The following TRHDE variants were observed in gnomAD, a reference collection of about 807,000 sequenced individuals.
TRHDE encodes the protein thyrotropin releasing hormone degrading enzyme.
Under a neutral mutation model 125.7 loss-of-function variants are expected in TRHDE, and 72 were observed. The ratio of observed to expected loss-of-function variants is 0.57; its 90% CI spans 0.47 to 0.70. TRHDE has a LOEUF of 0.70. Among genes scored for constraint, TRHDE ranks in the 30% least tolerant of loss-of-function variants. TRHDE has a pLI of 0.00. For missense variants in TRHDE, 1,110 were observed against 1,327.1 expected (o/e 0.84, Z 2.54); for synonymous variants, 509 against 509.1 (o/e 1.00, Z 0.00).
intron 2 of TRHDE, among the ~76,000 whole-genome samples, chr12:72,371,281 G>A (rs1296403596): frequency 6.7e-6 from 1 of 150,230 alleles, no homozygotes; most frequent in Non-Finnish European, 1.5e-5. Flanking sequence ...ACATACCTAT[G>A]AAACTCATTC....
intron 2 of TRHDE, among the ~76,000 whole-genome samples, chr12:72,211,844 T>G (rs1877789576): frequency 6.6e-6 from 1 of 152,188 alleles, no homozygotes. Flanking sequence ...TTTATAACAT[T>G]ATTTCATTTG....
chr12:72,263,427 T>G (rs1878997507), intron 2 of TRHDE: 1 of 151,690 alleles, frequency 6.6e-6, no homozygotes. Context: ...GTTTTGTTTG[T>G]TTTTTGGTTC....
chr12:72,577,552 T>C (rs1012316645), intron 12 of TRHDE, among the ~76,000 whole-genome samples: 1 of 152,116 alleles, frequency 6.6e-6, no homozygotes, highest in African/African-American at 2.4e-5. Context: ...TTCGAGGCAG[T>C]CGTTCATGTG....
chr12:72,106,076 T>C (rs1006262608), intron 2 of TRHDE, among the ~76,000 whole-genome samples: 5 of 152,022 alleles, frequency 3.3e-5, no homozygotes, highest in Non-Finnish European at 5.9e-5. Context: ...GAGTAACCAA[T>C]GGGGAACAGA....
Position 72,562,114 on chromosome 12 carries a change from C to A in TRHDE, c.1789-51C>A, listed in dbSNP as rs777249515. 6 of 777,338 alleles carry A rather than the reference C, an allele frequency of 7.7e-6. No homozygotes were observed. The Admixed American group carries it at 8.5e-5, about 11-fold the overall frequency. The allele number at this position is 777,338 out of a possible 1,614,324, so 48.2% of individuals were successfully genotyped here. On this transcript the variant is annotated intron_variant, in intron 7 of 18. Coordinates refer to ENST00000261180, the MANE Select transcript of TRHDE (RefSeq NM_013381.3). Reference sequence around the variant, plus strand: ...ATTAATTGAGAAATAAATGTGTTTACTAGTTACTGTTTAACCTTTGAATTA... The same window carrying A: ...ATTAATTGAGAAATAAATGTGTTTAATAGTTACTGTTTAACCTTTGAATTA...
chr12:72,400,502 T>C (rs1004270439), intron 3 of TRHDE, among the ~76,000 whole-genome samples: 2 of 152,200 alleles, frequency 1.3e-5, no homozygotes, highest in East Asian at 1.9e-4. Flanking sequence ...TTAGCAGTTA[T>C]GCACTGAGGG....
chr12:72,154,894 G>T (rs1269754841), intron 2 of TRHDE, among the ~76,000 whole-genome samples: 2 of 152,134 alleles, frequency 1.3e-5, no homozygotes, highest in Non-Finnish European at 2.9e-5. Context: ...TTCTCTAGGA[G>T]TATCTTTGTG....
intron 15 of TRHDE, among the ~76,000 whole-genome samples, chr12:72,629,342 GATTTA>G (rs1389608644): frequency 2.6e-5 from 4 of 151,572 alleles, no homozygotes; most frequent in Non-Finnish European, 5.9e-5. Context: ...AAGGTGATGT[GATTTA>G]ATTTTTTTCT....
intron 9 of TRHDE, among the ~76,000 whole-genome samples, chr12:72,566,856 A>G (rs1337191517): frequency 2.0e-5 from 3 of 151,860 alleles, no homozygotes; most frequent in Admixed American, 1.3e-4. Context: ...CTTTTATTTC[A>G]TTTTATTCCA....
At chr12:72,088,394 G>A (rs541053293) in intron 1 of TRHDE, among the ~76,000 whole-genome samples, 6 of 152,152 alleles carry the variant, frequency 3.9e-5, no homozygotes, top group African/African-American at 1.4e-4. Context: ...AAATATTTTA[G>A]CATTAAAGTA....
At chr12:72,227,230 G>C (rs543483717) in intron 2 of TRHDE, among the ~76,000 whole-genome samples, 1 of 152,122 alleles carries the variant, frequency 6.6e-6, no homozygotes, top group Non-Finnish European at 1.5e-5. Flanking sequence ...ACATACCTAA[G>C]ACTGGAAATT....
chr12:72,133,817 A>T (rs140116416), intron 2 of TRHDE, among the ~76,000 whole-genome samples: 288 of 152,274 alleles, frequency 1.9e-3, no homozygotes, highest in Non-Finnish European at 3.6e-3. Context: ...AAGCTGCAGC[A>T]TCCCTTTTCT....
chr12:72,307,147 A>G (rs1868353502), intron 2 of TRHDE, among the ~76,000 whole-genome samples: 1 of 151,832 alleles, frequency 6.6e-6, no homozygotes, highest in Non-Finnish European at 1.5e-5. Flanking sequence ...CAGAGGAGTG[A>G]TCTGTCAGAC....
At chr12:72,620,118 A>G (rs996051273) in intron 13 of TRHDE, among the ~76,000 whole-genome samples, 45 of 152,090 alleles carry the variant, frequency 3.0e-4, no homozygotes, top group African/African-American at 1.1e-3. Flanking sequence ...TTTCTCCCTA[A>G]CACAAAGACA....
intron 12 of TRHDE, among the ~76,000 whole-genome samples, chr12:72,597,716 T>TGC (rs1872019135): frequency 5.0e-4 from 1 of 2,018 alleles, no homozygotes; most frequent in African/African-American, 2.2e-3. Flanking sequence ...TGTGTATGTA[T>TGC]ATATATATAT....
At chr12:72,351,315 A>G (rs1400344933) in intron 2 of TRHDE, among the ~76,000 whole-genome samples, 1 of 151,960 alleles carries the variant, frequency 6.6e-6, no homozygotes, top group African/African-American at 2.4e-5. Context: ...GAAAGTTTAT[A>G]TTACAGAATA....
chr12:72,391,462 A>G (rs896623839), intron 3 of TRHDE, among the ~76,000 whole-genome samples: 1 of 152,126 alleles, frequency 6.6e-6, no homozygotes, highest in East Asian at 1.9e-4. Flanking sequence ...AGGAATTTTA[A>G]TGGTTTGTAA....
At chr12:72,275,223 CAGA>C (rs1879440889) in intron 1 of TRHDE, among the ~76,000 whole-genome samples, 1 of 152,278 alleles carries the variant, frequency 6.6e-6, no homozygotes, top group South Asian at 2.1e-4. Flanking sequence ...TGGAAACTCT[CAGA>C]AGAAGTTATT....
chr12:72,357,496 A>G (rs1244146340), intron 2 of TRHDE, among the ~76,000 whole-genome samples: 5 of 151,488 alleles, frequency 3.3e-5, no homozygotes, highest in Non-Finnish European at 5.9e-5. Context: ...TTCCCTTAGC[A>G]TAATGTTCTC....
Sources: gnomAD v4.1 joint callset for allele counts (sites outside exome capture counted in the v4.1 genomes callset) on GRCh38, gnomAD v4.1.1 for gene constraint, MANE v1.5 for transcripts, NCBI Gene and HGNC (gene_info 2026-07-23, HGNC 2026-07-21) for gene names.